GALNT10: variants seen among roughly 807,000 people sequenced by gnomAD.
GALNT10 encodes polypeptide N-acetylgalactosaminyltransferase 10.
GALNT10 carries 41 observed loss-of-function variants against 75.0 expected under a neutral mutation model. That is an observed-to-expected ratio of 0.55 (90% CI 0.43 to 0.71). The LOEUF (loss-of-function observed/expected upper bound fraction) is 0.71, where lower values mean the gene tolerates loss of function less well. Among genes scored for constraint, GALNT10 ranks in the 30% least tolerant of loss-of-function variants. GALNT10 has a pLI of 0.00. For synonymous variants in GALNT10, 302 were observed against 313.0 expected (o/e 0.96, Z 0.37); for missense variants, 727 against 818.5 (o/e 0.89, Z 1.36).
chr5:154,332,811 G>A (rs1754887211), intron 4 of GALNT10, among the ~76,000 whole-genome samples: 1 of 152,106 alleles, frequency 6.6e-6, no homozygotes, highest in South Asian at 2.1e-4. Context: ...TTTCAGGCTC[G>A]GGTCCCTGTA....
chr5:154,389,593 A>AT (rs1755863350), intron 7 of GALNT10: 3 of 151,874 alleles, frequency 2.0e-5, no homozygotes, highest in Admixed American at 1.3e-4. Context: ...AAAAAAAAAA[A>AT]AAATCAAAAA....
intron 3 of GALNT10, among the ~76,000 whole-genome samples, chr5:154,309,649 A>G (rs1370047630): frequency 6.6e-6 from 1 of 152,184 alleles, no homozygotes; most frequent in Non-Finnish European, 1.5e-5. Context: ...TGAGAATAAG[A>G]GAGAAGCCAA....
intron 4 of GALNT10, among the ~76,000 whole-genome samples, chr5:154,346,737 C>G (rs113463439): frequency 0.021 from 3,165 of 152,044 alleles, 92 homozygotes; most frequent in African/African-American, 0.072. Context: ...TTTAAAGAAG[C>G]TAAATGGAAG....
chr5:154,260,704 A>T (rs186844826), intron 1 of GALNT10, among the ~76,000 whole-genome samples: 38 of 152,308 alleles, frequency 2.5e-4, no homozygotes, highest in Non-Finnish European at 8.8e-5. Context: ...AGCAAATACC[A>T]TCCCTTTAAA....
chr5:154,288,641 G>T (rs1177972515), intron 1 of GALNT10, among the ~76,000 whole-genome samples: 1 of 152,078 alleles, frequency 6.6e-6, no homozygotes, highest in Non-Finnish European at 1.5e-5. Flanking sequence ...GCTTCCTGTA[G>T]CAGAAGGACA....
Position 154,284,230 on chromosome 5 carries a change from C to T in GALNT10, c.160-10586C>T, listed in dbSNP as rs148181912. Among the ~76,000 whole-genome samples the T allele has an allele frequency of 2.1e-3, 324 of 152,262 alleles. 2 individuals carry two copies. In the South Asian group the frequency reaches 0.03, roughly 14 times the overall value. On this transcript the variant is annotated intron_variant, in intron 1 of 11. Coordinates refer to ENST00000297107, the MANE Select transcript of GALNT10 (RefSeq NM_198321.4). ...TTCCCCCATTTTACAGTTGGGAAAC[C>T]AAGGCTTGTGAAAATAGCGTAACTT...
At chr5:154,366,156 T>C (rs1161914387) in intron 4 of GALNT10, among the ~76,000 whole-genome samples, 1 of 152,250 alleles carries the variant, frequency 6.6e-6, no homozygotes, top group Non-Finnish European at 1.5e-5. Flanking sequence ...GTCCAATATA[T>C]GGCACTTACA....
intron 5 of GALNT10, among the ~76,000 whole-genome samples, chr5:154,379,435 T>C (rs893942140): frequency 6.6e-6 from 1 of 152,246 alleles, no homozygotes; most frequent in African/African-American, 2.4e-5. Flanking sequence ...TGAAGGAAGC[T>C]TGGGCCCCAG....
At chr5:154,396,655 C>G (rs1382900235) in intron 7 of GALNT10, among the ~76,000 whole-genome samples, 1 of 152,148 alleles carries the variant, frequency 6.6e-6, no homozygotes, top group Non-Finnish European at 1.5e-5. Flanking sequence ...GATCATGCCT[C>G]CCTCGCTGGG....
chr5:154,204,331 G>A (rs1342386513), intron 1 of GALNT10, among the ~76,000 whole-genome samples: 1 of 152,122 alleles, frequency 6.6e-6, no homozygotes, highest in Non-Finnish European at 1.5e-5. Context: ...CCACCAGCCT[G>A]TCACATCTCA....
intron 1 of GALNT10, among the ~76,000 whole-genome samples, chr5:154,203,506 C>T (rs1265488055): frequency 6.6e-6 from 1 of 152,194 alleles, no homozygotes; most frequent in Non-Finnish European, 1.5e-5. Context: ...TGCCATGGCT[C>T]AGGGGTGACC....
rs1335470231 is a variant in GALNT10, at chr5:154,420,296, C to G, written c.*3324C>G. 1 of 152,204 alleles carries G rather than the reference C, an allele frequency of 6.6e-6. No homozygotes were observed. The highest frequency in any genetic ancestry group is 1.9e-4 in the East Asian group (1 of 5,194). 9.4% of individuals were successfully genotyped at this position (152,204 alleles called of 1,614,324 possible). A position where few individuals can be genotyped will look rare whatever the true frequency, so the allele number is the denominator to read the frequency against. Reference sequence around the variant, plus strand: ...TACATGACATTCACTTTTCAAACTTCCCACCAGTTGAATTTCTTTTTTTCC... The same window carrying G: ...TACATGACATTCACTTTTCAAACTTGCCACCAGTTGAATTTCTTTTTTTCC... On this transcript the variant is annotated 3_prime_UTR_variant, in exon 12 of 12. Coordinates refer to ENST00000297107, the MANE Select transcript of GALNT10 (RefSeq NM_198321.4).
chr5:154,391,003 T>A (rs186657818), intron 7 of GALNT10, among the ~76,000 whole-genome samples: 63 of 152,358 alleles, frequency 4.1e-4, no homozygotes, highest in African/African-American at 1.4e-3. Context: ...AGGAGGCTCC[T>A]GAGGTCCGGA....
chr5:154,381,010 C>A (rs1206485795), intron 6 of GALNT10, among the ~76,000 whole-genome samples: 2 of 152,184 alleles, frequency 1.3e-5, no homozygotes, highest in Non-Finnish European at 2.9e-5. Context: ...CCCCCTACAA[C>A]TATATATGGT....
In GALNT10 at chr5:154,298,678, T is replaced by C. The variant is rs1754318439; in HGVS notation, c.401+599T>C. Among the ~76,000 whole-genome samples the C allele has an allele frequency of 2.0e-5, 3 of 152,214 alleles. No individual in the cohort carries two copies. Among genetic ancestry groups the C allele is most frequent in the Non-Finnish European group, 4.4e-5 (3 of 68,038 alleles). ...AACTCACTTAAGGCTATAAGTTGAT[T>C]GACAGAATAAGACAGGCCTTAGACT... On this transcript the variant is annotated intron_variant, in intron 3 of 11. Transcript: ENST00000297107. The surrounding 1 kb of genome is among the most constrained non-coding windows in gnomAD (Gnocchi z 4.1).
chr5:154,337,456 CTTGCAG>C, intron 4 of GALNT10: 1 of 695,462 alleles, frequency 1.4e-6, no homozygotes, highest in South Asian at 1.4e-5. Flanking sequence ...GCTTTGTTTT[CTTGCAG>C]TAATTAAAAT....
At chr5:154,405,218 A>G (rs1444974462) in intron 8 of GALNT10, among the ~76,000 whole-genome samples, 3 of 152,210 alleles carry the variant, frequency 2.0e-5, no homozygotes, top group African/African-American at 7.2e-5. Flanking sequence ...CTTGACGTGT[A>G]GAATTGCAGC....
chr5:154,373,425 A>G (rs1755604902), intron 4 of GALNT10, among the ~76,000 whole-genome samples: 1 of 152,204 alleles, frequency 6.6e-6, no homozygotes, highest in Non-Finnish European at 1.5e-5. Flanking sequence ...TTTTACAATC[A>G]AGCAGGGTGA....
intron 5 of GALNT10, among the ~76,000 whole-genome samples, chr5:154,379,190 T>C (rs80071213): frequency 6.6e-6 from 1 of 152,280 alleles, no homozygotes; most frequent in East Asian, 1.9e-4. Flanking sequence ...CTCAATCCAG[T>C]ACACAGATGA....
Sources: allele counts gnomAD v4.1 joint callset (sites outside exome capture counted in the v4.1 genomes callset), GRCh38; gene constraint gnomAD v4.1.1; non-coding constraint Gnocchi (gnomAD v3.1); transcripts MANE v1.5; gene names NCBI Gene and HGNC (gene_info 2026-07-23, HGNC 2026-07-21).